Variants in CADM2 observed in about 807,000 individuals in gnomAD.
CADM2 encodes immunoglobulin superfamily member 4D.
A neutral mutation model predicts 49.8 loss-of-function variants in CADM2; 12 were observed. The observed-to-expected ratio is 0.24, with a 90% confidence interval of 0.15 to 0.39. The LOEUF is 0.39. Ranked by LOEUF, CADM2 falls within the 10% of genes least tolerant of loss-of-function variation. The probability of loss-of-function intolerance (pLI) is 1.00; values close to 1 mark genes in which losing one functional copy is unlikely to be tolerated. For missense variants in CADM2, 378 were observed against 492.3 expected, an observed-to-expected ratio of 0.77 and a Z score of 2.20; for synonymous variants, 214 against 175.4, an observed-to-expected ratio of 1.22 and a Z score of -1.74.
intron 1 of CADM2, among the ~76,000 whole-genome samples, chr3:85,188,245 C>T (rs1461705970): frequency 6.6e-6 from 1 of 151,948 alleles, no homozygotes; most frequent in Non-Finnish European, 1.5e-5. Context: ...CTTATGCATT[C>T]TTATTTTTAT....
At chr3:85,225,323 T>C (rs1332666030) in intron 1 of CADM2, among the ~76,000 whole-genome samples, 3 of 152,196 alleles carry the variant, frequency 2.0e-5, no homozygotes, top group African/African-American at 7.2e-5. Context: ...TCACATCCCT[T>C]GTAAGTTGGA....
intron 1 of CADM2, among the ~76,000 whole-genome samples, chr3:85,494,575 G>A (rs905209620): frequency 2.0e-5 from 3 of 152,048 alleles, no homozygotes; most frequent in Non-Finnish European, 4.4e-5. Context: ...GTAACCTTGA[G>A]GTTTGTATGT....
intron 1 of CADM2, among the ~76,000 whole-genome samples, chr3:85,379,645 G>C (rs982461306): frequency 2.0e-5 from 3 of 151,926 alleles, no homozygotes; most frequent in Non-Finnish European, 4.4e-5. Context: ...ATAGCCTTCA[G>C]TAATAACAAG....
intron 1 of CADM2, among the ~76,000 whole-genome samples, chr3:85,138,624 AC>A (rs1223111595): frequency 1.3e-5 from 2 of 152,190 alleles, no homozygotes; most frequent in African/African-American, 4.8e-5. Context: ...CAACATAAAA[AC>A]AAAAAATTGG....
intron 1 of CADM2, among the ~76,000 whole-genome samples, chr3:85,697,084 CATATATATATATGCCAT>C (rs759025145): frequency 2.8e-5 from 1 of 35,566 alleles, no homozygotes; most frequent in Non-Finnish European, 5.0e-5. Context: ...ATATATATGC[CATATATATATATGCCAT>C]ATATATATAT....
At chr3:85,473,763 C>A (rs1380840596) in intron 1 of CADM2, among the ~76,000 whole-genome samples, 1 of 151,966 alleles carries the variant, frequency 6.6e-6, no homozygotes, top group Non-Finnish European at 1.5e-5. Flanking sequence ...TCATCTTATG[C>A]AAATGATTGT....
At chr3:85,316,190 C>T (rs1292670942) in intron 1 of CADM2, among the ~76,000 whole-genome samples, 1 of 152,046 alleles carries the variant, frequency 6.6e-6, no homozygotes, top group African/African-American at 2.4e-5. Context: ...TGTAAGTTTC[C>T]TTCAAATATT....
chr3:85,862,315 A>G (rs1278518632), intron 3 of CADM2, among the ~76,000 whole-genome samples: 2 of 152,168 alleles, frequency 1.3e-5, no homozygotes, highest in Non-Finnish European at 2.9e-5. Context: ...TAATTTTATA[A>G]TAACTTAATA....
chr3:85,403,350 G>A (rs2035211395), intron 1 of CADM2, among the ~76,000 whole-genome samples: 1 of 152,116 alleles, frequency 6.6e-6, no homozygotes, highest in Admixed American at 6.5e-5. Context: ...TCACATGTTA[G>A]TGTTCACATT....
chr3:85,546,285 T>C (rs938537207), intron 1 of CADM2, among the ~76,000 whole-genome samples: 1 of 152,186 alleles, frequency 6.6e-6, no homozygotes, highest in African/African-American at 2.4e-5. Context: ...TCACCTGCGG[T>C]GATACTAAGG....
At chr3:85,363,147 T>C (rs750875035) in intron 1 of CADM2, among the ~76,000 whole-genome samples, 11 of 152,208 alleles carry the variant, frequency 7.2e-5, no homozygotes, top group Non-Finnish European at 1.5e-4. Flanking sequence ...ATAAACTTGT[T>C]AAGAAAATAA....
chr3:85,319,387 A>G (rs2044545189), intron 1 of CADM2, among the ~76,000 whole-genome samples: 1 of 152,192 alleles, frequency 6.6e-6, no homozygotes, highest in Non-Finnish European at 1.5e-5. Flanking sequence ...CTGTGTGGCA[A>G]TTCTTCAAAG....
chr3:85,645,135 C>T (rs190990941), intron 1 of CADM2, among the ~76,000 whole-genome samples: 1 of 152,074 alleles, frequency 6.6e-6, no homozygotes, highest in East Asian at 1.9e-4. Context: ...GGAATACATT[C>T]AGCCATCATT....
intron 8 of CADM2, among the ~76,000 whole-genome samples, chr3:86,058,714 AAATGATTTACATTTT>A (rs1284164600): frequency 6.6e-6 from 1 of 152,112 alleles, no homozygotes; most frequent in East Asian, 1.9e-4. Flanking sequence ...ATTTTAAATA[AAATGATTTACATTTT>A]AATTATTTCC....
intron 2 of CADM2, among the ~76,000 whole-genome samples, chr3:85,796,092 C>T (rs544017624): frequency 1.3e-5 from 2 of 152,274 alleles, no homozygotes; most frequent in South Asian, 2.1e-4. Context: ...TTTAAAGAAG[C>T]AAACAGTCTT....
chr3:85,835,771 A>ATT (rs1330427299), intron 3 of CADM2, among the ~76,000 whole-genome samples: 1 of 147,524 alleles, frequency 6.8e-6, no homozygotes, highest in Non-Finnish European at 1.5e-5. Flanking sequence ...TATAATATAT[A>ATT]TATATCCCTT....
chr3:85,793,327 C>T (rs2071443823), intron 2 of CADM2, among the ~76,000 whole-genome samples: 1 of 152,100 alleles, frequency 6.6e-6, no homozygotes, highest in Non-Finnish European at 1.5e-5. Context: ...GAGAACTAAA[C>T]TTGGCAGCCA....
chr3:85,874,721 A>G (rs1711569681), intron 3 of CADM2, among the ~76,000 whole-genome samples: 1 of 152,134 alleles, frequency 6.6e-6, no homozygotes, highest in South Asian at 2.1e-4. Context: ...TTCTCAAGAA[A>G]AATAAAAACT....
intron 1 of CADM2, among the ~76,000 whole-genome samples, chr3:85,187,524 A>T (rs1028478606): frequency 6.6e-6 from 1 of 152,110 alleles, no homozygotes; most frequent in Admixed American, 6.5e-5. Context: ...GATATTATTC[A>T]CTTGTCATTT....
Sources: allele counts gnomAD v4.1 joint callset (sites outside exome capture counted in the v4.1 genomes callset), GRCh38; gene constraint gnomAD v4.1.1; transcripts MANE v1.5; gene names NCBI Gene and HGNC (gene_info 2026-07-23, HGNC 2026-07-21).